The following PPM1H variants were observed in gnomAD, a reference collection of about 807,000 sequenced individuals.
The protein encoded by PPM1H is protein phosphatase, Mg2+/Mn2+ dependent 1H.
Under a neutral mutation model 54.9 loss-of-function variants are expected in PPM1H, and 27 were observed. The ratio of observed to expected loss-of-function variants is 0.49; its 90% CI spans 0.36 to 0.68. PPM1H has a LOEUF of 0.68. PPM1H is among the 30% of genes least tolerant of loss of function. PPM1H has a pLI of 0.00. For synonymous variants in PPM1H, 305 were observed against 270.8 expected (o/e 1.13, Z -1.24); for missense variants, 596 against 667.8 (o/e 0.89, Z 1.19).
At chr12:62,864,555 T>C (rs1869710606) in intron 1 of PPM1H, among the ~76,000 whole-genome samples, 1 of 152,226 alleles carries the variant, frequency 6.6e-6, no homozygotes, top group Non-Finnish European at 1.5e-5. Context: ...TACTTTTATG[T>C]TGCAGGAACA....
chr12:62,692,963 A>ACACACACACACACACACACT, intron 7 of PPM1H, among the ~76,000 whole-genome samples: 1 of 149,402 alleles, frequency 6.7e-6, no homozygotes, highest in African/African-American at 2.5e-5. Context: ...ACACACACAC[A>ACACACACACACACACACACT]CTCTGCCCAT....
chr12:62,900,649 G>A (rs1871142330), intron 1 of PPM1H, among the ~76,000 whole-genome samples: 2 of 151,200 alleles, frequency 1.3e-5, no homozygotes, highest in Admixed American at 6.6e-5. Flanking sequence ...GGGTGGAGGA[G>A]GTACTAATAT....
At chr12:62,801,728 G>A (rs1317693174) in intron 3 of PPM1H, 88 bp downstream of exon 3, 3 of 1,417,006 alleles carry the variant, frequency 2.1e-6, no homozygotes, top group Non-Finnish European at 2.9e-6. Flanking sequence ...AAAACCGTGC[G>A]CTTTCTGGGA....
intron 2 of PPM1H, among the ~76,000 whole-genome samples, chr12:62,804,474 T>A (rs959587949): frequency 1.1e-4 from 16 of 152,276 alleles, no homozygotes; most frequent in Admixed American, 1.0e-3. Flanking sequence ...TCTTTCTAGA[T>A]CTGTGGACTT....
At chr12:62,801,754 C>G (rs573588621) in intron 3 of PPM1H, 62 bp downstream of exon 3, 311 of 1,560,842 alleles carry the variant, frequency 2.0e-4, no homozygotes, top group East Asian at 1.8e-4. Flanking sequence ...CCAGGAAGGA[C>G]GGACAGACCT....
chr12:62,744,039 G>T (rs2076396530), intron 4 of PPM1H, among the ~76,000 whole-genome samples: 1 of 151,972 alleles, frequency 6.6e-6, no homozygotes, highest in Admixed American at 6.6e-5. Flanking sequence ...TCAGTACATA[G>T]GATATACATA....
At chr12:62,702,959 C>T (rs148924147) in intron 6 of PPM1H, among the ~76,000 whole-genome samples, 3 of 152,334 alleles carry the variant, frequency 2.0e-5, no homozygotes, top group Non-Finnish European at 4.4e-5. Flanking sequence ...ATCCCTCAGA[C>T]CTCACTGAAT....
At chr12:62,885,183 C>T (rs201030207) in intron 1 of PPM1H, among the ~76,000 whole-genome samples, 1 of 152,188 alleles carries the variant, frequency 6.6e-6, no homozygotes, top group East Asian at 1.9e-4. Context: ...GTTCAATGAT[C>T]TCCCCCTGGG....
Position 62,832,267 on chromosome 12 carries a change from G to C in PPM1H, c.258C>G (p.Ala86=). 1 of 1,611,506 alleles carries C rather than the reference G, an allele frequency of 6.2e-7. No homozygotes were observed. The highest frequency in any genetic ancestry group is 8.5e-7 in the Non-Finnish European group (1 of 1,178,786). Reference sequence around the variant, plus strand: ...GGTCTTCATTGTGTGTGCTCTTCCCGGCATTGATAACCCTGGAGAAGAAGC... The same window carrying C: ...GGTCTTCATTGTGTGTGCTCTTCCCCGCATTGATAACCCTGGAGAAGAAGC... ...WATGYAEVIN[A]GKSTHNEDQA... is the part of the protein sequence containing the mutation. The change falls in exon 2 of 10, where the codon GCC becomes GCG. Residue 86 remains alanine, a synonymous_variant. Coordinates refer to ENST00000228705, the MANE Select transcript of PPM1H (RefSeq NM_020700.2).
At chr12:62,715,777 C>T (rs2076231551) in intron 6 of PPM1H, among the ~76,000 whole-genome samples, 1 of 152,100 alleles carries the variant, frequency 6.6e-6, no homozygotes, top group Admixed American at 6.6e-5. Context: ...ACCCCCACCC[C>T]CAAATGACAC....
intron 4 of PPM1H, among the ~76,000 whole-genome samples, chr12:62,742,368 A>G (rs912388468): frequency 3.3e-5 from 5 of 152,158 alleles, no homozygotes; most frequent in Admixed American, 3.3e-4. Flanking sequence ...GCCTCTTCCT[A>G]TGTGATCCTT....
intron 4 of PPM1H, among the ~76,000 whole-genome samples, chr12:62,771,408 T>C (rs1352267139): frequency 6.6e-6 from 1 of 152,038 alleles, no homozygotes; most frequent in Non-Finnish European, 1.5e-5. Flanking sequence ...AATACAGTTC[T>C]AGGGTCCAGA....
intron 1 of PPM1H, among the ~76,000 whole-genome samples, chr12:62,878,625 T>TA (rs1565817540): frequency 2.6e-4 from 14 of 54,766 alleles, no homozygotes; most frequent in African/African-American, 1.3e-3. Flanking sequence ...ATGATTACGC[T>TA]TAAAAAAAAA....
At chr12:62,871,175 T>A (rs933715577) in intron 1 of PPM1H, among the ~76,000 whole-genome samples, 4 of 152,074 alleles carry the variant, frequency 2.6e-5, no homozygotes, top group Admixed American at 2.6e-4. Context: ...ATAAATAAAA[T>A]GTGATATATC....
At chr12:62,862,000 T>C (rs996702907) in intron 1 of PPM1H, among the ~76,000 whole-genome samples, 1 of 152,222 alleles carries the variant, frequency 6.6e-6, no homozygotes, top group African/African-American at 2.4e-5. Flanking sequence ...AATGCTTATG[T>C]GCAAATAATG....
intron 4 of PPM1H, among the ~76,000 whole-genome samples, chr12:62,739,532 C>T (rs2076370598): frequency 6.6e-6 from 1 of 152,116 alleles, no homozygotes; most frequent in South Asian, 2.1e-4. Flanking sequence ...CAAGATTTTG[C>T]CTAAAGCTAC....
At position 62,935,090 on chromosome 12, in the gene PPM1H, C is replaced by T. The variant is rs1409669344; in HGVS notation, c.-354G>A. 1 of 162,588 alleles carries T rather than the reference C, an allele frequency of 6.2e-6. No homozygotes were observed. The highest frequency in any genetic ancestry group is 1.3e-5 in the Non-Finnish European group (1 of 75,080). 10.1% of individuals were successfully genotyped at this position (162,588 alleles called of 1,614,324 possible). ...GCTCCGGCGTGCGCTGAACTGAGCC[C>T]ACCCGGCGAGCTCGCGGAGCCGCCG... On this transcript the variant is annotated 5_prime_UTR_variant, in exon 1 of 10. Transcript: ENST00000228705.
intron 4 of PPM1H, among the ~76,000 whole-genome samples, chr12:62,768,770 G>A (rs1265361927): frequency 6.6e-6 from 1 of 152,098 alleles, no homozygotes; most frequent in Middle Eastern, 3.2e-3. Context: ...CAGATATGTA[G>A]GGGCAGAGAG....
chr12:62,923,820 T>C (rs1871882002), intron 1 of PPM1H, among the ~76,000 whole-genome samples: 1 of 152,218 alleles, frequency 6.6e-6, no homozygotes, highest in Non-Finnish European at 1.5e-5. Flanking sequence ...ACTTGGTTCC[T>C]GGCCCAACCC....
Sources: allele counts gnomAD v4.1 joint callset (sites outside exome capture counted in the v4.1 genomes callset), GRCh38; gene constraint gnomAD v4.1.1; transcripts MANE v1.5; gene names NCBI Gene and HGNC (gene_info 2026-07-23, HGNC 2026-07-21).